The following DPYSL3 variants were observed in gnomAD, a reference collection of about 807,000 sequenced individuals.
The protein encoded by DPYSL3 is dihydropyrimidinase like 3, also known as dihydropyrimidinase-related protein 3.
In DPYSL3, 16 loss-of-function variants were observed where a neutral mutation model predicts 66.1. The ratio of observed to expected loss-of-function variants is 0.24; its 90% CI spans 0.16 to 0.37. The LOEUF (loss-of-function observed/expected upper bound fraction) is 0.37. DPYSL3 is among the 10% of genes least tolerant of loss of function. DPYSL3 has a pLI of 1.00. For missense variants in DPYSL3, 738 were observed against 916.2 expected (o/e 0.81, Z 2.51); for synonymous variants, 338 against 345.1 (o/e 0.98, Z 0.23).
chr5:147,439,057 C>T (rs988780084), intron 1 of DPYSL3, among the ~76,000 whole-genome samples: 2 of 152,196 alleles, frequency 1.3e-5, no homozygotes, highest in African/African-American at 4.8e-5. Flanking sequence ...CGCCAAACCA[C>T]TTAACCCAGG....
chr5:147,471,393 T>A (rs778514313), intron 1 of DPYSL3, among the ~76,000 whole-genome samples: 25 of 152,350 alleles, frequency 1.6e-4, no homozygotes, highest in Non-Finnish European at 3.5e-4. Flanking sequence ...TCTGAGGCTA[T>A]ATTGTGATTC....
chr5:147,430,172 G>C (rs1752281605), intron 1 of DPYSL3, among the ~76,000 whole-genome samples: 1 of 152,016 alleles, frequency 6.6e-6, no homozygotes, highest in South Asian at 2.1e-4. Context: ...AAGGTAGGGA[G>C]GAAGGGAGGG....
chr5:147,415,626 A>G (rs1751948015), intron 4 of DPYSL3, 83 bp downstream of exon 4: 9 of 1,519,718 alleles, frequency 5.9e-6, no homozygotes, highest in Non-Finnish European at 8.0e-6. Context: ...AGTAAAAGAC[A>G]GTGACTGAAA....
intron 4 of DPYSL3, among the ~76,000 whole-genome samples, chr5:147,414,681 A>G (rs6873278): frequency 0.016 from 2,369 of 152,346 alleles, 65 homozygotes; most frequent in African/African-American, 0.054. Context: ...GATGCCCAGT[A>G]TAAACGCAAA....
In DPYSL3 at chr5:147,509,433, GA is replaced by G. The variant is rs1561809811; in HGVS notation, c.381+44del. ...CCGGGCCATGGCGGCCAGGGCTGGAGAAAGGAACGAAGGCAAGGAGGGAAGT... is the reference window on the plus strand; with the variant it reads ...CCGGGCCATGGCGGCCAGGGCTGGAGAAGGAACGAAGGCAAGGAGGGAAGT... On this transcript the variant is annotated intron_variant, in intron 1 of 13. Coordinates refer to ENST00000343218, the MANE Select transcript of DPYSL3 (RefSeq NM_001197294.2). The surrounding 1 kb of genome is among the most constrained non-coding windows in gnomAD (Gnocchi z 5.3). 2 of 1,462,840 alleles carry G rather than the reference GA, an allele frequency of 1.4e-6. No individual in the cohort carries two copies. Among genetic ancestry groups the G allele is most frequent in the Non-Finnish European group, 1.8e-6 (2 of 1,111,388 alleles). The allele number at this position is 1,462,840 out of a possible 1,614,324, so 90.6% of individuals were successfully genotyped here.
At chr5:147,481,220 T>C (rs1033798247) in intron 1 of DPYSL3, among the ~76,000 whole-genome samples, 4 of 152,194 alleles carry the variant, frequency 2.6e-5, no homozygotes, top group Admixed American at 2.6e-4. Context: ...CTGAACCTTG[T>C]TGAAACTGTT....
intron 6 of DPYSL3, 75 bp downstream of exon 6, chr5:147,412,533 A>G (rs1425872319): frequency 7.0e-7 from 1 of 1,436,682 alleles, no homozygotes; most frequent in African/African-American, 1.4e-5. Flanking sequence ...TTGAGAGCTC[A>G]AGCAGCACTG....
intron 1 of DPYSL3, among the ~76,000 whole-genome samples, chr5:147,497,045 A>G (rs911688987): frequency 6.6e-6 from 1 of 152,208 alleles, no homozygotes; most frequent in Non-Finnish European, 1.5e-5. Flanking sequence ...TGTGGCACAT[A>G]TACACCACGG....
At chr5:147,503,003 A>G (rs1753637148) in intron 1 of DPYSL3, among the ~76,000 whole-genome samples, 2 of 152,348 alleles carry the variant, frequency 1.3e-5, no homozygotes, top group East Asian at 1.9e-4. Context: ...AGTGCTGAGC[A>G]CTAACCAGCA....
chr5:147,401,291 A>G (rs898048560), intron 9 of DPYSL3, among the ~76,000 whole-genome samples: 1 of 152,222 alleles, frequency 6.6e-6, no homozygotes, highest in African/African-American at 2.4e-5. Flanking sequence ...TAGTCTTACC[A>G]TAGAGCTTGG....
At chr5:147,418,178 T>C (rs1340777633) in intron 3 of DPYSL3, among the ~76,000 whole-genome samples, 1 of 152,150 alleles carries the variant, frequency 6.6e-6, no homozygotes, top group African/African-American at 2.4e-5. Context: ...TTTCCTATTC[T>C]CCACTCATTG....
At chr5:147,397,145 C>T (rs1185475048) in intron 12 of DPYSL3, among the ~76,000 whole-genome samples, 2 of 135,052 alleles carry the variant, frequency 1.5e-5, no homozygotes, top group African/African-American at 5.9e-5. Context: ...CGCATGCATA[C>T]ATTTGCACAC....
At chr5:147,413,868 C>T (rs1432563200) in intron 4 of DPYSL3, among the ~76,000 whole-genome samples, 1 of 152,194 alleles carries the variant, frequency 6.6e-6, no homozygotes, top group African/African-American at 2.4e-5. Context: ...GATGTCATAG[C>T]AGAATGGTCT....
At position 147,509,431 on chromosome 5, in the gene DPYSL3, G is replaced by C. The variant is rs1033177833; in HGVS notation, c.381+47C>G. The C allele has an allele frequency of 2.2e-5, 32 of 1,462,210 alleles. No individual in the cohort carries two copies. Among genetic ancestry groups the C allele is most frequent in the Non-Finnish European group, 2.7e-5 (30 of 1,111,102 alleles). 90.6% of individuals were successfully genotyped at this position (1,462,210 alleles called of 1,614,324 possible). A position where few individuals can be genotyped will look rare whatever the true frequency, so the allele number is the denominator to read the frequency against. The stretch of plus-strand genomic sequence containing the variant: ...GCCCGGGCCATGGCGGCCAGGGCTG[G>C]AGAAAGGAACGAAGGCAAGGAGGGA... On this transcript the variant is annotated intron_variant, in intron 1 of 13. Coordinates refer to ENST00000343218, the MANE Select transcript of DPYSL3 (RefSeq NM_001197294.2). This position sits in a 1 kb window ranked among gnomAD's most constrained non-coding sequence, Gnocchi z 5.3.
intron 1 of DPYSL3, among the ~76,000 whole-genome samples, chr5:147,426,073 G>C (rs765964377): frequency 6.6e-6 from 1 of 152,008 alleles, no homozygotes; most frequent in Non-Finnish European, 1.5e-5. Flanking sequence ...CCAGGTCATT[G>C]ATTTTATGGA....
At chr5:147,433,028 G>A (rs1752342483) in intron 1 of DPYSL3, among the ~76,000 whole-genome samples, 1 of 152,136 alleles carries the variant, frequency 6.6e-6, no homozygotes, top group African/African-American at 2.4e-5. Context: ...CTTTTTCCTT[G>A]ATCTACTCAG....
chr5:147,424,155 C>T (rs1752144499), intron 2 of DPYSL3, among the ~76,000 whole-genome samples: 1 of 152,236 alleles, frequency 6.6e-6, no homozygotes, highest in Admixed American at 6.5e-5. Flanking sequence ...TCTCTTGTAA[C>T]CAAAATCTTT....
intron 4 of DPYSL3, among the ~76,000 whole-genome samples, chr5:147,415,369 C>T (rs1751942548): frequency 6.6e-6 from 1 of 152,096 alleles, no homozygotes; most frequent in South Asian, 2.1e-4. Flanking sequence ...TTAGCCTCTC[C>T]TAACCTCAGT....
intron 4 of DPYSL3, 71 bp downstream of exon 4, chr5:147,415,638 G>A (rs1200902745): frequency 1.3e-6 from 2 of 1,548,506 alleles, no homozygotes; most frequent in Non-Finnish European, 1.8e-6. Flanking sequence ...TGACTGAAAT[G>A]AGTGGATGGT....
Sources: allele counts gnomAD v4.1 joint callset (sites outside exome capture counted in the v4.1 genomes callset), GRCh38; gene constraint gnomAD v4.1.1; non-coding constraint Gnocchi (gnomAD v3.1); transcripts MANE v1.5; gene names NCBI Gene and HGNC (gene_info 2026-07-23, HGNC 2026-07-21).